The following DAB1 variants were observed in gnomAD, a reference collection of about 807,000 sequenced individuals.
DAB1 encodes disabled homolog 1.
DAB1 carries 15 observed loss-of-function variants against 64.6 expected under a neutral mutation model. The ratio of observed to expected loss-of-function variants is 0.23; its 90% CI spans 0.16 to 0.36. DAB1 has a LOEUF of 0.36. Among genes scored for constraint, DAB1 ranks in the 10% least tolerant of loss-of-function variants. The pLI, the probability that DAB1 is intolerant of heterozygous loss-of-function variation, is 1.00. For synonymous variants in DAB1, 235 were observed against 251.9 expected (o/e 0.93, Z 0.64); for missense variants, 596 against 706.7 (o/e 0.84, Z 1.78).
intron 6 of DAB1, among the ~76,000 whole-genome samples, chr1:57,651,440 C>T (rs1480260298): frequency 6.6e-6 from 1 of 152,078 alleles, no homozygotes; most frequent in Non-Finnish European, 1.5e-5. Flanking sequence ...TATTGTAGTG[C>T]TTTTTAGAAA....
intron 7 of DAB1, among the ~76,000 whole-genome samples, chr1:57,613,316 G>A (rs1645750682): frequency 1.3e-5 from 2 of 152,124 alleles, no homozygotes; most frequent in South Asian, 4.1e-4. Flanking sequence ...GATCCAGCTT[G>A]TCCTCATGAT....
intron 5 of DAB1, among the ~76,000 whole-genome samples, chr1:57,907,946 T>C (rs942419636): frequency 1.1e-4 from 15 of 142,064 alleles, no homozygotes; most frequent in East Asian, 4.0e-4. Flanking sequence ...CACACACACA[T>C]ATATATTTCA....
intron 6 of DAB1, among the ~76,000 whole-genome samples, chr1:57,781,985 G>A (rs1650123776): frequency 6.6e-6 from 1 of 152,060 alleles, no homozygotes; most frequent in South Asian, 2.1e-4. Flanking sequence ...AATATTCTAG[G>A]AGTTTGAAAA....
intron 3 of DAB1, among the ~76,000 whole-genome samples, chr1:58,505,863 T>C (rs1047394575): frequency 6.6e-6 from 1 of 152,198 alleles, no homozygotes; most frequent in African/African-American, 2.4e-5. Context: ...CTGTACATAG[T>C]AATTTATTCT....
At chr1:57,016,053 T>A (rs1012689937) in intron 11 of DAB1, among the ~76,000 whole-genome samples, 1 of 152,204 alleles carries the variant, frequency 6.6e-6, no homozygotes, top group Non-Finnish European at 1.5e-5. Flanking sequence ...ACACCTTCTA[T>A]CTCACTGGGT....
chr1:58,254,493 C>T (rs1359083773), intron 4 of DAB1, among the ~76,000 whole-genome samples: 6 of 131,238 alleles, frequency 4.6e-5, no homozygotes, highest in East Asian at 4.8e-4. Context: ...GCTGCACCCA[C>T]TAACTCGTCA....
At chr1:57,909,561 A>T (rs1314929686) in intron 5 of DAB1, among the ~76,000 whole-genome samples, 5 of 152,174 alleles carry the variant, frequency 3.3e-5, no homozygotes, top group Admixed American at 6.5e-5. Context: ...TAGAGAAACA[A>T]TTTTTAATAA....
At chr1:57,980,279 C>G (rs201909976) in intron 5 of DAB1, among the ~76,000 whole-genome samples, 1 of 151,664 alleles carries the variant, frequency 6.6e-6, no homozygotes, top group Non-Finnish European at 1.5e-5. Context: ...AGCTCTGACT[C>G]GAGTCATCTC....
rs993498299 is a variant in DAB1, at chr1:57,409,019, C to T, written c.-137+14911G>A. Among the ~76,000 whole-genome samples, 14 of 152,298 alleles carry T rather than the reference C, an allele frequency of 9.2e-5. No homozygotes were observed. In the East Asian group the frequency reaches 1.9e-3, roughly 21 times the overall value. ...TCTGCTTCACGGTAGCACCCCTAGACGTGGTGGAGTCTCCTCCATGGTTTC... is the reference window on the plus strand; with the variant it reads ...TCTGCTTCACGGTAGCACCCCTAGATGTGGTGGAGTCTCCTCCATGGTTTC... On this transcript the variant is annotated intron_variant, in intron 1 of 14. Transcript: ENST00000371236.
intron 5 of DAB1, among the ~76,000 whole-genome samples, chr1:58,082,673 C>A (rs546096805): frequency 6.6e-6 from 1 of 151,720 alleles, no homozygotes; most frequent in Non-Finnish European, 1.5e-5. Flanking sequence ...GTGGGGAGAT[C>A]GTCAAAGGAA....
At chr1:57,273,214 G>A (rs531841280) in intron 2 of DAB1, among the ~76,000 whole-genome samples, 1 of 152,290 alleles carries the variant, frequency 6.6e-6, no homozygotes, top group African/African-American at 2.4e-5. Flanking sequence ...TGAGTATTTT[G>A]AGTATCCATT....
At chr1:58,032,954 T>C (rs139914485) in intron 5 of DAB1, among the ~76,000 whole-genome samples, 1 of 152,204 alleles carries the variant, frequency 6.6e-6, no homozygotes. Flanking sequence ...GTCACATTCA[T>C]CAGTCCAAAG....
At chr1:58,522,895 A>C (rs1208832705) in intron 2 of DAB1, among the ~76,000 whole-genome samples, 3 of 152,212 alleles carry the variant, frequency 2.0e-5, no homozygotes, top group Non-Finnish European at 4.4e-5. Context: ...TAGACTGAGA[A>C]GGAAGAGGAG....
At chr1:57,623,371 A>G (rs12117856) in intron 7 of DAB1, among the ~76,000 whole-genome samples, 131 of 152,312 alleles carry the variant, frequency 8.6e-4, no homozygotes, top group Non-Finnish European at 1.5e-3. Flanking sequence ...TTAAATACAC[A>G]TGCCAGGATG....
chr1:58,118,900 C>T (rs1205794969), intron 5 of DAB1, among the ~76,000 whole-genome samples: 2 of 151,856 alleles, frequency 1.3e-5, no homozygotes, highest in South Asian at 2.1e-4. Flanking sequence ...GCTGTCCAAT[C>T]GAACTTTCTG....
Position 57,470,585 on chromosome 1 carries a change from G to A in DAB1, n.625+179007C>T, listed in dbSNP as rs116761900. Among the ~76,000 whole-genome samples the A allele has an allele frequency of 9.8e-3, 1,497 of 152,234 alleles. 33 individuals are homozygous for A. Among genetic ancestry groups the A allele is most frequent in the African/African-American group, 0.033 (1,383 of 41,540 alleles). ...TCATGAAGGGGATAGCCCCCAAAAA[G>A]TCCGTATAAACCAGTCTTGTCATGT... is the stretch of plus-strand genomic sequence containing the variant. On this transcript the variant is annotated intron_variant and non_coding_transcript_variant, in intron 7 of 20. Transcript: ENST00000485760.
chr1:57,351,498 C>A (rs914997764), intron 1 of DAB1, among the ~76,000 whole-genome samples: 5 of 152,046 alleles, frequency 3.3e-5, no homozygotes, highest in African/African-American at 9.7e-5. Flanking sequence ...CACAAACGAG[C>A]ACAGCCCACT....
At chr1:58,130,398 T>C (rs1290224708) in intron 5 of DAB1, among the ~76,000 whole-genome samples, 1 of 151,596 alleles carries the variant, frequency 6.6e-6, no homozygotes, top group Non-Finnish European at 1.5e-5. Context: ...TGATGGGTCT[T>C]GACTCTTTAT....
chr1:57,834,223 G>C (rs1391011588), intron 1 of DAB1, among the ~76,000 whole-genome samples: 2 of 151,996 alleles, frequency 1.3e-5, no homozygotes, highest in East Asian at 3.9e-4. Flanking sequence ...GATAAGAAAT[G>C]GCTGGTGTGA....
Sources: gnomAD v4.1 joint callset for allele counts (sites outside exome capture counted in the v4.1 genomes callset) on GRCh38, gnomAD v4.1.1 for gene constraint, MANE v1.5 for transcripts, NCBI Gene and HGNC (gene_info 2026-07-23, HGNC 2026-07-21) for gene names.